UGT1A8: variants seen among roughly 807,000 people sequenced by gnomAD.
The protein encoded by UGT1A8 is UDP-glucuronosyltransferase 1A8.
Under a neutral mutation model 45.3 loss-of-function variants are expected in UGT1A8, and 39 were observed. That is an observed-to-expected ratio of 0.86 (90% confidence interval 0.67 to 1.12). The LOEUF is 1.12. Ranked by LOEUF, UGT1A8 falls within the 50% of genes most tolerant of loss-of-function variation. UGT1A8 has a pLI of 0.00. For missense variants in UGT1A8, 719 were observed against 664.9 expected (o/e 1.08, Z -0.90); for synonymous variants, 275 against 249.2 (o/e 1.10, Z -0.97).
At position 233,769,005 on chromosome 2, in the gene UGT1A8, C is replaced by G. The variant is rs929159668; in HGVS notation, c.1295+566C>G. 2.0e-5 allele frequency among the ~76,000 whole-genome samples: 3 copies of G among 152,020 alleles called. No individual in the cohort carries two copies. Among genetic ancestry groups the G allele is most frequent in the South Asian group, 4.2e-4 (2 of 4,812 alleles). ...TATTTCCCCCATTAGATTTAAAACT[C>G]CAATTTACATAAAAAGTTGCCATAA... On this transcript the variant is annotated intron_variant, in intron 4 of 4. Transcript: ENST00000373450. This position sits in a 1 kb window ranked among gnomAD's most constrained non-coding sequence, Gnocchi z 4.4.
Position 233,700,889 on chromosome 2 carries a change from C to G in UGT1A8, c.856-66145C>G, listed in dbSNP as rs540334634. Among the ~76,000 whole-genome samples, 10 of 151,694 alleles carry G rather than the reference C, an allele frequency of 6.6e-5. No individual in the cohort carries two copies. In the South Asian group the frequency reaches 2.1e-3, roughly 32 times the overall value. On this transcript the variant is annotated intron_variant, in intron 1 of 4. Coordinates refer to ENST00000373450, the MANE Select transcript of UGT1A8 (RefSeq NM_019076.5). Reference sequence around the variant, plus strand: ...CCTCCCTCCTCCCCCCACCCCACAACAGTCCCCGGTGTGTGACGTTCCTCT... The same window carrying G: ...CCTCCCTCCTCCCCCCACCCCACAAGAGTCCCCGGTGTGTGACGTTCCTCT...
At chr2:233,632,521 T>C (rs1416287130) in intron 1 of UGT1A8, among the ~76,000 whole-genome samples, 1 of 152,184 alleles carries the variant, frequency 6.6e-6, no homozygotes, top group Admixed American at 6.5e-5. Flanking sequence ...TGAGCAGTGG[T>C]TTGTAGTTCT....
At chr2:233,700,322 C>T (rs1432582141) in intron 1 of UGT1A8, among the ~76,000 whole-genome samples, 1 of 152,230 alleles carries the variant, frequency 6.6e-6, no homozygotes, top group Non-Finnish European at 1.5e-5. Context: ...CTTTAAAATT[C>T]TGCCTCTCTT....
rs760444509 is a variant in UGT1A8 at position 233,769,505 on chromosome 2, C to G, written c.1295+1066C>G. The G allele has an allele frequency of 8.7e-6, 14 of 1,612,652 alleles. No individual in the cohort carries two copies. In the Admixed American group the frequency reaches 2.3e-4, roughly 27 times the overall value. ...CGTGTGTTTATGAGAGTGTCCATTG[C>G]TTTCTCCCATGGTTACCTCCTTTAG... On this transcript the variant is annotated intron_variant, in intron 4 of 4. Transcript: ENST00000373450. This position sits in a 1 kb window ranked among gnomAD's most constrained non-coding sequence, Gnocchi z 4.4.
chr2:233,653,891 C>A (rs1473287332), intron 1 of UGT1A8, among the ~76,000 whole-genome samples: 1 of 152,200 alleles, frequency 6.6e-6, no homozygotes, highest in Non-Finnish European at 1.5e-5. Flanking sequence ...GCCACCACGC[C>A]CGGCCAAGAA....
intron 1 of UGT1A8, among the ~76,000 whole-genome samples, chr2:233,652,892 A>G (rs1289042859): frequency 6.6e-6 from 1 of 152,272 alleles, no homozygotes; most frequent in African/African-American, 2.4e-5. Context: ...TTTATGACCC[A>G]GATTTGGAAA....
intron 1 of UGT1A8, among the ~76,000 whole-genome samples, chr2:233,694,048 C>A (rs1474075608): frequency 6.6e-6 from 1 of 152,122 alleles, no homozygotes; most frequent in Admixed American, 6.5e-5. Flanking sequence ...GATACAGAGG[C>A]ATTCGGATGA....
At chr2:233,690,034 C>T (rs768165230) in intron 1 of UGT1A8, 2 of 419,920 alleles carry the variant, frequency 4.8e-6, no homozygotes, top group Non-Finnish European at 9.4e-6. Flanking sequence ...AAGATCTGGG[C>T]CCAGAGCATT....
At chr2:233,642,904 C>G (rs1045890738) in intron 1 of UGT1A8, among the ~76,000 whole-genome samples, 2 of 152,140 alleles carry the variant, frequency 1.3e-5, no homozygotes, top group Non-Finnish European at 2.9e-5. Context: ...CTCTCTCTCT[C>G]TGTCTCTCTC....
intron 1 of UGT1A8, among the ~76,000 whole-genome samples, chr2:233,665,540 A>G (rs1311328199): frequency 6.6e-6 from 1 of 152,154 alleles, no homozygotes; most frequent in African/African-American, 2.4e-5. Flanking sequence ...TAGAGGCTAG[A>G]CCATAGCTCT....
intron 1 of UGT1A8, among the ~76,000 whole-genome samples, chr2:233,641,887 C>T (rs1351057982): frequency 9.9e-5 from 15 of 152,216 alleles, no homozygotes; most frequent in Admixed American, 7.8e-4. Flanking sequence ...TGTATTGGAA[C>T]TCCATTGTTT....
In UGT1A8 at chr2:233,761,665, G is replaced by C. The variant is rs555006913; in HGVS notation, c.856-5369G>C. Among the ~76,000 whole-genome samples, 14 of 152,352 alleles carry C rather than the reference G, an allele frequency of 9.2e-5. No homozygotes were observed. The South Asian group carries it at 2.5e-3, about 27-fold the overall frequency. ...TTCTCTTCTAATGAGTGAATCACCA[G>C]ACAGTCAGGTTCTGACATGATACAG... On this transcript the variant is annotated intron_variant, in intron 1 of 4. Transcript: ENST00000373450.
chr2:233,693,624 A>C, intron 1 of UGT1A8: 1 of 1,614,160 alleles, frequency 6.2e-7, no homozygotes, highest in Non-Finnish European at 8.5e-7. Context: ...ACTTTTTCCC[A>C]ACGAGTGGCC....
At chr2:233,690,231 T>G (rs1054850541) in intron 1 of UGT1A8, among the ~76,000 whole-genome samples, 5 of 152,232 alleles carry the variant, frequency 3.3e-5, no homozygotes, top group South Asian at 2.1e-4. Flanking sequence ...TATTCTAGAT[T>G]CAGCAAATTT....
intron 1 of UGT1A8, among the ~76,000 whole-genome samples, chr2:233,618,981 C>T (rs2072951581): frequency 1.3e-5 from 2 of 151,764 alleles, no homozygotes; most frequent in South Asian, 4.2e-4. Flanking sequence ...ATATTTAGCC[C>T]ACGTTTTTGA....
intron 1 of UGT1A8, chr2:233,691,475 C>T: frequency 4.1e-6 from 4 of 985,770 alleles, no homozygotes; most frequent in Non-Finnish European, 4.8e-6. Flanking sequence ...CCTCCGGTGC[C>T]AAACTTGTGG....
At chr2:233,752,004 G>A (rs558992613) in intron 1 of UGT1A8, among the ~76,000 whole-genome samples, 1 of 152,302 alleles carries the variant, frequency 6.6e-6, no homozygotes, top group Admixed American at 6.5e-5. Context: ...GAAAGTTGAT[G>A]AGAAAGTGGA....
chr2:233,636,806 A>G (rs776168160), intron 1 of UGT1A8: 2 of 1,614,252 alleles, frequency 1.2e-6, no homozygotes, highest in South Asian at 1.1e-5. Context: ...GTTTTCGCCC[A>G]TGCTCAATGG....
At position 233,719,785 on chromosome 2, in the gene UGT1A8, A is replaced by G. The variant is rs1575529784; in HGVS notation, c.856-47249A>G. 1.1e-5 allele frequency: 18 copies of G among 1,610,188 alleles called. No homozygotes were observed. In the East Asian group the frequency reaches 3.8e-4, roughly 34 times the overall value. ...TGCTTCCATATCTACTTATCTTTCC[A>G]AAGATTTTATTTTGGCTTCTTTATA... On this transcript the variant is annotated intron_variant, in intron 1 of 4. Transcript: ENST00000373450.
Sources: allele counts gnomAD v4.1 joint callset (sites outside exome capture counted in the v4.1 genomes callset), GRCh38; gene constraint gnomAD v4.1.1; non-coding constraint Gnocchi (gnomAD v3.1); transcripts MANE v1.5; gene names NCBI Gene and HGNC (gene_info 2026-07-23, HGNC 2026-07-21).